Variants in ITGA4 observed in about 807,000 individuals in gnomAD.
ITGA4 encodes integrin subunit alpha 4, also known as integrin alpha-4.
In ITGA4, 63 loss-of-function variants were observed where a neutral mutation model predicts 133.6. The observed-to-expected ratio is 0.47, with a 90% confidence interval of 0.38 to 0.58. ITGA4 has a LOEUF of 0.58. ITGA4 is among the 20% of genes least tolerant of loss of function. The pLI, the probability that ITGA4 is intolerant of heterozygous loss-of-function variation, is 0.00. For synonymous variants in ITGA4, 483 were observed against 438.0 expected, an observed-to-expected ratio of 1.10 and a Z score of -1.28; for missense variants, 1,076 against 1,252.7, an observed-to-expected ratio of 0.86 and a Z score of 2.13.
intron 10 of ITGA4, among the ~76,000 whole-genome samples, chr2:181,488,414 A>AT (rs369787569): frequency 6.6e-6 from 1 of 152,234 alleles, no homozygotes; most frequent in South Asian, 2.1e-4. Flanking sequence ...TATGCAAATG[A>AT]TTTTTTAAAA....
chr2:181,514,975 A>G (rs1446156005), intron 17 of ITGA4, among the ~76,000 whole-genome samples: 2 of 152,118 alleles, frequency 1.3e-5, no homozygotes, highest in African/African-American at 4.8e-5. Flanking sequence ...AATGAAGTAT[A>G]AGGCTGTGTT....
At chr2:181,529,977 A>G (rs1243621559) in intron 23 of ITGA4, among the ~76,000 whole-genome samples, 1 of 152,226 alleles carries the variant, frequency 6.6e-6, no homozygotes, top group African/African-American at 2.4e-5. Flanking sequence ...AGAATTCTTC[A>G]TAAAACTTGA....
chr2:181,482,582 C>A lies in ITGA4; in HGVS notation c.972C>A (p.Leu324=). ...DLNADGFSDL[L]VGAPMQSTIR... ...ATGCAGATGGCTTCTCAGATCTGCT[C>A]GTGGGAGCACCCATGCAGAGCACCA... is the stretch of plus-strand genomic sequence containing the variant. The change falls in exon 9 of 28, where the codon CTC becomes CTA. Residue 324 remains leucine, a synonymous_variant. Coordinates refer to ENST00000397033, the MANE Select transcript of ITGA4 (RefSeq NM_000885.6). 1 of 1,613,530 alleles carries A rather than the reference C, an allele frequency of 6.2e-7. No individual in the cohort carries two copies. The highest frequency in any genetic ancestry group is 1.1e-5 in the South Asian group (1 of 91,048).
chr2:181,498,905 C>T, intron 15 of ITGA4, 128 bp downstream of exon 15: 1 of 1,337,608 alleles, frequency 7.5e-7, no homozygotes, highest in Non-Finnish European at 9.6e-7. Context: ...TGAACTATGA[C>T]CTGTTGCTCC....
At chr2:181,479,055 AAAG>A (rs1375121555) in intron 5 of ITGA4, 5 of 319,046 alleles carry the variant, frequency 1.6e-5, no homozygotes, top group East Asian at 1.5e-4. Flanking sequence ...AATCTATACT[AAAG>A]AACATTTCTT....
intron 2 of ITGA4, among the ~76,000 whole-genome samples, chr2:181,465,285 T>C (rs1685384161): frequency 6.6e-6 from 1 of 152,288 alleles, no homozygotes; most frequent in Admixed American, 6.5e-5. Context: ...TCCTTTGATA[T>C]CTGTAACTCC....
chr2:181,528,453 T>A (rs1186875994), intron 22 of ITGA4, among the ~76,000 whole-genome samples: 2 of 152,250 alleles, frequency 1.3e-5, no homozygotes, highest in Non-Finnish European at 2.9e-5. Flanking sequence ...ATGTATAATG[T>A]AGTGACTGGC....
At chr2:181,458,406 G>A in intron 2 of ITGA4, 89 bp downstream of exon 2, 1 of 1,485,582 alleles carries the variant, frequency 6.7e-7, no homozygotes, top group Non-Finnish European at 9.2e-7. Flanking sequence ...GATTCACGTT[G>A]CCTGTTACTT....
rs980265586 is a variant in ITGA4 at position 181,530,779 on chromosome 2, C to T, written c.2664+130C>T. 1.8e-5 allele frequency: 14 copies of T among 783,112 alleles called. No homozygotes were observed. In the East Asian group the frequency reaches 1.9e-4, roughly 11 times the overall value. 48.5% of individuals were successfully genotyped at this position (783,112 alleles called of 1,614,324 possible). On this transcript the variant is annotated intron_variant, in intron 24 of 27. Coordinates refer to ENST00000397033, the MANE Select transcript of ITGA4 (RefSeq NM_000885.6). The stretch of plus-strand genomic sequence containing the variant: ...AAGACAAGTTTAGGTAGTATTCTTG[C>T]GTGGAAGGAACAAGCATGGTTGGAA...
intron 1 of ITGA4, 90 bp from the exon 2 acceptor site, chr2:181,458,106 C>G (rs1685174423): frequency 6.4e-7 from 1 of 1,560,798 alleles, no homozygotes; most frequent in Non-Finnish European, 8.8e-7. Flanking sequence ...GGGGAAGCTG[C>G]CCTGCTGCGG....
intron 15 of ITGA4, among the ~76,000 whole-genome samples, chr2:181,499,559 AT>A (rs1461821009): frequency 2.0e-5 from 3 of 152,060 alleles, no homozygotes; most frequent in Non-Finnish European, 2.9e-5. Flanking sequence ...TTAGGGCTTA[AT>A]TTTCCCTTAG....
intron 17 of ITGA4, among the ~76,000 whole-genome samples, chr2:181,514,872 C>A (rs1274559257): frequency 6.6e-6 from 1 of 152,058 alleles, no homozygotes; most frequent in Non-Finnish European, 1.5e-5. Flanking sequence ...TTTCTCACAA[C>A]AAAATATCTG....
chr2:181,472,957 A>G (rs570252334), intron 2 of ITGA4, among the ~76,000 whole-genome samples: 2 of 152,302 alleles, frequency 1.3e-5, no homozygotes, highest in South Asian at 2.1e-4. Flanking sequence ...ACCATTGCCA[A>G]TCAACCCCAG....
intron 5 of ITGA4, chr2:181,479,501 CTTTT>C (rs565675086): frequency 2.7e-5 from 4 of 150,562 alleles, no homozygotes; most frequent in South Asian, 4.2e-4. Context: ...TTTAAGTTGA[CTTTT>C]TTTAAGTTTA....
rs374054752 is a variant in ITGA4, at chr2:181,495,981, A to G, written c.1540+44A>G. ...ATTAATGCTTGATGGGGTGCGGTTC[A>G]TTCATTAATCCCACAATCCTGCTTG... On this transcript the variant is annotated intron_variant, in intron 14 of 27. Coordinates refer to ENST00000397033, the MANE Select transcript of ITGA4 (RefSeq NM_000885.6). This position sits in a 1 kb window ranked among gnomAD's most constrained non-coding sequence, Gnocchi z 4.3. 3.0e-5 allele frequency: 48 copies of G among 1,587,982 alleles called. No individual in the cohort carries two copies. Among genetic ancestry groups the G allele is most frequent in the Non-Finnish European group, 4.0e-5 (46 of 1,161,566 alleles).
Position 181,457,498 on chromosome 2 carries a change from T to A in ITGA4, c.-157T>A. ...AACGCTCCGCCCGCGGTGGGCCGACTTCCCCTCCTCTTCCCTCTCTCCTTC... is the reference window on the plus strand; with the variant it reads ...AACGCTCCGCCCGCGGTGGGCCGACATCCCCTCCTCTTCCCTCTCTCCTTC... On this transcript the variant is annotated 5_prime_UTR_variant, in exon 1 of 28. Coordinates refer to ENST00000397033, the MANE Select transcript of ITGA4 (RefSeq NM_000885.6). 1.5e-6 allele frequency: 1 copy of A among 685,696 alleles called. No individual in the cohort carries two copies. Among genetic ancestry groups the A allele is most frequent in the Non-Finnish European group, 2.3e-6 (1 of 429,012 alleles). The allele number at this position is 685,696 out of a possible 1,614,324, so 42.5% of individuals were successfully genotyped here.
At chr2:181,465,965 C>T (rs1386411356) in intron 2 of ITGA4, among the ~76,000 whole-genome samples, 1 of 152,100 alleles carries the variant, frequency 6.6e-6, no homozygotes, top group Non-Finnish European at 1.5e-5. Context: ...TGTATTAAAA[C>T]TGTGGTACGT....
At position 181,535,312 on chromosome 2, in the gene ITGA4, T is replaced by C. The variant is rs1687038894; in HGVS notation, c.3004-120T>C. ...ACCTCTGTTAAACCTTTATGACTGA[T>C]GTTACAAGGGATGCAGTTTAAGAAA... is the stretch of plus-strand genomic sequence containing the variant. On this transcript the variant is annotated intron_variant, in intron 27 of 27. Transcript: ENST00000397033. The C allele has an allele frequency of 1.4e-5, 10 of 739,768 alleles. No individual in the cohort carries two copies. In the East Asian group the frequency reaches 2.2e-4, roughly 16 times the overall value. 45.8% of individuals were successfully genotyped at this position (739,768 alleles called of 1,614,324 possible).
chr2:181,477,157 A>C (rs527447768), intron 4 of ITGA4, among the ~76,000 whole-genome samples: 1 of 152,250 alleles, frequency 6.6e-6, no homozygotes, highest in South Asian at 2.1e-4. Flanking sequence ...AAAATTGGCT[A>C]TCTGCGTGCA....
Sources: gnomAD v4.1 joint callset for allele counts (sites outside exome capture counted in the v4.1 genomes callset) on GRCh38, gnomAD v4.1.1 for gene constraint, Gnocchi (gnomAD v3.1) non-coding constraint, MANE v1.5 for transcripts, NCBI Gene and HGNC (gene_info 2026-07-23, HGNC 2026-07-21) for gene names.